Variants in FOXK2 observed in about 807,000 individuals in gnomAD.
FOXK2 encodes the protein forkhead box K2, also known as forkhead box protein K2.
A neutral mutation model predicts 53.3 loss-of-function variants in FOXK2; 24 were observed. The observed-to-expected ratio is 0.45, with a 90% CI of 0.33 to 0.63. The LOEUF is 0.63. Ranked by LOEUF, FOXK2 falls within the 30% of genes least tolerant of loss-of-function variation. The pLI is 0.03. For synonymous variants in FOXK2, 505 were observed against 407.1 expected, an observed-to-expected ratio of 1.24 and a Z score of -2.89; for missense variants, 952 against 910.5, an observed-to-expected ratio of 1.05 and a Z score of -0.59.
intron 1 of FOXK2, 30 bp downstream of exon 1, chr17:82,520,337 G>T (rs1274195088): frequency 2.6e-5 from 17 of 654,814 alleles, no homozygotes; most frequent in East Asian, 2.2e-4. Flanking sequence ...GGCGGGCGGG[G>T]TCTGCGGCCT....
intron 1 of FOXK2, among the ~76,000 whole-genome samples, chr17:82,561,639 A>T (rs1406095876): frequency 6.6e-6 from 1 of 152,040 alleles, no homozygotes; most frequent in Non-Finnish European, 1.5e-5. Context: ...GGAAAGGAGA[A>T]GGGCGAGGGG....
chr17:82,558,764 T>TC (rs2044759490), intron 1 of FOXK2, among the ~76,000 whole-genome samples: 2 of 150,476 alleles, frequency 1.3e-5, no homozygotes, highest in Non-Finnish European at 3.0e-5. Context: ...CTTTACATCT[T>TC]TTTTTTTTTG....
At chr17:82,549,974 G>A (rs2044660602) in intron 1 of FOXK2, among the ~76,000 whole-genome samples, 1 of 152,154 alleles carries the variant, frequency 6.6e-6, no homozygotes, top group Admixed American at 6.5e-5. Context: ...AGATTGAGGT[G>A]GGTGCATCAC....
chr17:82,542,077 C>T (rs761052213), intron 1 of FOXK2, among the ~76,000 whole-genome samples: 2 of 151,602 alleles, frequency 1.3e-5, no homozygotes, highest in Non-Finnish European at 2.9e-5. Flanking sequence ...GACAGGGTTT[C>T]GCCACGTTGG....
chr17:82,571,240 ATAT>A (rs2143036629), intron 3 of FOXK2, among the ~76,000 whole-genome samples: 1 of 152,206 alleles, frequency 6.6e-6, no homozygotes, highest in East Asian at 1.9e-4. Flanking sequence ...GTAATTTTTA[ATAT>A]TCTTTATAGT....
chr17:82,560,172 A>T (rs2044777405), intron 1 of FOXK2, among the ~76,000 whole-genome samples: 1 of 149,446 alleles, frequency 6.7e-6, no homozygotes, highest in African/African-American at 2.5e-5. Flanking sequence ...TGCCTGGCTT[A>T]TTTTTTTTTG....
chr17:82,561,428 CTG>C (rs2044792294), intron 1 of FOXK2, among the ~76,000 whole-genome samples: 1 of 152,046 alleles, frequency 6.6e-6, no homozygotes, highest in Non-Finnish European at 1.5e-5. Flanking sequence ...GAGGGAGAAA[CTG>C]GAGTCGAGGC....
At chr17:82,595,704 C>T in intron 8 of FOXK2, 1 of 1,189,110 alleles carries the variant, frequency 8.4e-7, no homozygotes, top group Non-Finnish European at 1.1e-6. Flanking sequence ...TGTTATTAAG[C>T]CTGTGTCACT....
chr17:82,597,897 A>T (rs1256777963), intron 8 of FOXK2, among the ~76,000 whole-genome samples: 1 of 151,922 alleles, frequency 6.6e-6, no homozygotes, highest in Non-Finnish European at 1.5e-5. Context: ...TGATCCGCCC[A>T]CCTTGACCTC....
Position 82,562,440 on chromosome 17 carries a change from C to T in FOXK2, c.420-914C>T, listed in dbSNP as rs1054799569. Among the ~76,000 whole-genome samples the T allele has an allele frequency of 3.9e-5, 6 of 152,140 alleles. No individual in the cohort carries two copies. In the South Asian group the frequency reaches 6.2e-4, roughly 16 times the overall value. ...TGCTAAAAATACGAAATTAGCCGGG[C>T]GTGGTAGTGCATGCCTGTAATCCCA... is the stretch of plus-strand genomic sequence containing the variant. On this transcript the variant is annotated intron_variant, in intron 1 of 8. Coordinates refer to ENST00000335255, the MANE Select transcript of FOXK2 (RefSeq NM_004514.4).
rs141821649 is a variant in FOXK2, at chr17:82,594,573, A to G, written c.1787-6730A>G. ...ATTTATGTGGGGAGGATTAGTGTGC[A>G]TGGAAGGCCAAAAATGTGAATGCAT... On this transcript the variant is annotated intron_variant, in intron 8 of 8. Transcript: ENST00000335255. 4.1e-3 allele frequency among the ~76,000 whole-genome samples: 621 copies of G among 151,822 alleles called. 7 individuals carry two copies. Among genetic ancestry groups the G allele is most frequent in the African/African-American group, 0.014 (579 of 41,356 alleles).
rs1188244305 is a variant in FOXK2 at position 82,550,799 on chromosome 17, C to T, written c.420-12555C>T. On this transcript the variant is annotated intron_variant, in intron 1 of 8. Transcript: ENST00000335255. ...GGATGACAGGTGTGGGCCACGGCGCCGGCCCTGAGGTGGGCTTTGTGCAGC... is the reference window on the plus strand; with the variant it reads ...GGATGACAGGTGTGGGCCACGGCGCTGGCCCTGAGGTGGGCTTTGTGCAGC... 7.2e-5 allele frequency among the ~76,000 whole-genome samples: 11 copies of T among 152,154 alleles called. No individual in the cohort carries two copies. The East Asian group carries it at 1.2e-3, about 16-fold the overall frequency.
intron 2 of FOXK2, among the ~76,000 whole-genome samples, chr17:82,566,856 C>G (rs2044858040): frequency 6.6e-6 from 1 of 152,256 alleles, no homozygotes; most frequent in Admixed American, 6.5e-5. Flanking sequence ...ACTTTCCAAA[C>G]CTGCCGTCCA....
chr17:82,599,612 T>A (rs973813115), intron 8 of FOXK2: 1 of 152,264 alleles, frequency 6.6e-6, no homozygotes, highest in Admixed American at 6.5e-5. Flanking sequence ...GGTCCCCGTT[T>A]GCTGCTTGAG....
intron 1 of FOXK2, chr17:82,559,353 G>A (rs771206207): frequency 6.6e-6 from 3 of 456,344 alleles, no homozygotes; most frequent in South Asian, 4.6e-5. Flanking sequence ...GCTGCGCTCA[G>A]CTCAGAGCCA....
Position 82,571,754 on chromosome 17 carries a change from C to T in FOXK2, c.793C>T (p.Gln265Ter). The T allele has an allele frequency of 6.3e-7, 1 of 1,587,094 alleles. No homozygotes were observed. The highest frequency in any genetic ancestry group is 8.5e-7 in the Non-Finnish European group (1 of 1,170,266). Residue 265 changes from glutamine (Q) to a stop codon, truncating the protein, a stop_gained, in exon 4 of 9, where the codon CAG (glutamine) becomes TAG (stop). Transcript: ENST00000335255. LOFTEE classifies it high-confidence loss of function. ...DDSKPPYSYA[Q>*]LIVQAITMAP... ...TTCAAAGCCGCCTTACTCCTACGCG[C>T]AGCTGATAGTTCAGGCGATTACGAT...
intron 1 of FOXK2, among the ~76,000 whole-genome samples, chr17:82,531,946 T>G (rs1369094677): frequency 6.6e-6 from 1 of 152,092 alleles, no homozygotes; most frequent in Non-Finnish European, 1.5e-5. Context: ...GTTCAAGCAG[T>G]TCTCCTGCCT....
At chr17:82,585,026 G>A (rs951720555) in intron 6 of FOXK2, among the ~76,000 whole-genome samples, 5 of 152,270 alleles carry the variant, frequency 3.3e-5, no homozygotes, top group African/African-American at 7.2e-5. Context: ...TCCTGGCCCT[G>A]CCGGGCCAGA....
At chr17:82,566,391 C>T (rs1441253232) in intron 2 of FOXK2, among the ~76,000 whole-genome samples, 3 of 152,110 alleles carry the variant, frequency 2.0e-5, no homozygotes, top group African/African-American at 7.2e-5. Context: ...CGTTGCTGCC[C>T]TCTCTCCCAT....
Sources: allele counts gnomAD v4.1 joint callset (sites outside exome capture counted in the v4.1 genomes callset), GRCh38; gene constraint gnomAD v4.1.1; transcripts MANE v1.5; gene names NCBI Gene and HGNC (gene_info 2026-07-23, HGNC 2026-07-21).